SH3BGRL2: variants seen among roughly 807,000 people sequenced by gnomAD.
The protein encoded by SH3BGRL2 is SH3 domain-binding glutamic acid-rich-like protein 2.
SH3BGRL2 carries 21 observed loss-of-function variants against 14.8 expected under a neutral mutation model. The ratio of observed to expected loss-of-function variants is 1.42; its 90% CI spans 1.01 to 2.05. The LOEUF (loss-of-function observed/expected upper bound fraction) is 2.05, where lower values mean the gene tolerates loss of function less well. SH3BGRL2 is among the 30% of genes most tolerant of loss of function. The probability of loss-of-function intolerance (pLI) is 0.00; values close to 1 mark genes in which losing one functional copy is unlikely to be tolerated. For synonymous variants in SH3BGRL2, 50 were observed against 47.8 expected (o/e 1.05, Z -0.19); for missense variants, 147 against 130.8 (o/e 1.12, Z -0.61).
intron 2 of SH3BGRL2, among the ~76,000 whole-genome samples, chr6:79,689,889 T>C (rs1336761259): frequency 6.6e-6 from 1 of 152,216 alleles, no homozygotes; most frequent in Non-Finnish European, 1.5e-5. Flanking sequence ...ATACTACATG[T>C]ATAGAGATTG....
intron 1 of SH3BGRL2, among the ~76,000 whole-genome samples, chr6:79,671,386 T>C (rs1582730287): frequency 6.6e-6 from 1 of 151,954 alleles, no homozygotes; most frequent in Non-Finnish European, 1.5e-5. Flanking sequence ...GAGGCGGAGG[T>C]TGAGGTGAGC....
chr6:79,611,241 TAAATG>T, the SH3BGRL2 span, among the ~76,000 whole-genome samples: 5 of 152,064 alleles, frequency 3.3e-5, no homozygotes, highest in African/African-American at 1.2e-4. Context: ...TTTTGTGGCT[TAAATG>T]AAATAAGAAT....
At chr6:79,594,148 T>A in the SH3BGRL2 span, among the ~76,000 whole-genome samples, 2 of 152,170 alleles carry the variant, frequency 1.3e-5, no homozygotes, top group African/African-American at 2.4e-5. Flanking sequence ...ATAAATATTA[T>A]AATTTAAAAT....
At chr6:79,563,055 A>T in the SH3BGRL2 span, among the ~76,000 whole-genome samples, 2 of 151,734 alleles carry the variant, frequency 1.3e-5, no homozygotes, top group African/African-American at 4.8e-5. Context: ...TCCCGAGTTC[A>T]CGCCATTCTC....
At chr6:79,684,393 T>A (rs1770052648) in intron 2 of SH3BGRL2, among the ~76,000 whole-genome samples, 2 of 152,160 alleles carry the variant, frequency 1.3e-5, no homozygotes, top group Non-Finnish European at 1.5e-5. Context: ...GGTTTTTTTT[T>A]AATGTCTTTG....
At chr6:79,640,828 G>A (rs1262414576) in intron 1 of SH3BGRL2, among the ~76,000 whole-genome samples, 2 of 152,084 alleles carry the variant, frequency 1.3e-5, no homozygotes, top group African/African-American at 4.8e-5. Context: ...GCCCAAATAT[G>A]AAATGACTTT....
intron 1 of SH3BGRL2, among the ~76,000 whole-genome samples, chr6:79,660,759 G>T (rs758836182): frequency 6.6e-6 from 1 of 151,962 alleles, no homozygotes; most frequent in Non-Finnish European, 1.5e-5. Context: ...GCTGTGAATC[G>T]GTCTGGTCCT....
chr6:79,586,989 C>T, the SH3BGRL2 span, among the ~76,000 whole-genome samples: 1 of 152,290 alleles, frequency 6.6e-6, no homozygotes, highest in Non-Finnish European at 1.5e-5. Flanking sequence ...TAATCTGACT[C>T]AGTTCTGGGG....
the SH3BGRL2 span, among the ~76,000 whole-genome samples, chr6:79,588,042 C>T: frequency 6.6e-6 from 1 of 151,962 alleles, no homozygotes; most frequent in African/African-American, 2.4e-5. Flanking sequence ...GGCTGTAATC[C>T]CAGCACTTTG....
chr6:79,562,206 C>G, the SH3BGRL2 span, among the ~76,000 whole-genome samples: 2 of 152,116 alleles, frequency 1.3e-5, no homozygotes, highest in South Asian at 4.1e-4. Context: ...CAAGGTGAAG[C>G]CATTACACAC....
chr6:79,559,433 A>C, the SH3BGRL2 span, among the ~76,000 whole-genome samples: 58 of 152,336 alleles, frequency 3.8e-4, 1 homozygote, highest in South Asian at 6.2e-4. Context: ...GGATAACCCA[A>C]ATCTAATAAT....
intron 1 of SH3BGRL2, among the ~76,000 whole-genome samples, chr6:79,656,156 G>A (rs1438841652): frequency 6.6e-6 from 1 of 152,252 alleles, no homozygotes; most frequent in Non-Finnish European, 1.5e-5. Context: ...AGAAGAAAAT[G>A]TAGGAAGCTC....
At chr6:79,563,240 G>T in the SH3BGRL2 span, among the ~76,000 whole-genome samples, 1 of 151,408 alleles carries the variant, frequency 6.6e-6, no homozygotes, top group Non-Finnish European at 1.5e-5. Context: ...GCCTCCCAAA[G>T]TGCTGGGATT....
the SH3BGRL2 span, among the ~76,000 whole-genome samples, chr6:79,603,434 C>A: frequency 1.3e-5 from 2 of 152,172 alleles, no homozygotes; most frequent in African/African-American, 4.8e-5. Flanking sequence ...ACAATTAAAC[C>A]AAAGGTAGAC....
At chr6:79,671,990 A>G (rs984766295) in intron 1 of SH3BGRL2, among the ~76,000 whole-genome samples, 3 of 152,086 alleles carry the variant, frequency 2.0e-5, no homozygotes, top group African/African-American at 7.2e-5. Flanking sequence ...CTAAGGTTTT[A>G]CCTGTTTTGT....
chr6:79,580,556 G>T, the SH3BGRL2 span, among the ~76,000 whole-genome samples: 10 of 152,236 alleles, frequency 6.6e-5, no homozygotes, highest in African/African-American at 2.2e-4. Flanking sequence ...GGTAAATAAA[G>T]AAATGAAGGC....
intron 2 of SH3BGRL2, among the ~76,000 whole-genome samples, chr6:79,691,899 T>C (rs1770225497): frequency 6.6e-6 from 1 of 151,876 alleles, no homozygotes; most frequent in Non-Finnish European, 1.5e-5. Context: ...TCAAATGGTA[T>C]TTCTAGTTCT....
intron 2 of SH3BGRL2, among the ~76,000 whole-genome samples, chr6:79,684,269 A>C (rs1770049798): frequency 6.6e-6 from 1 of 152,104 alleles, no homozygotes; most frequent in African/African-American, 2.4e-5. Flanking sequence ...CTCAATCCAA[A>C]GGTGTGTTGT....
the SH3BGRL2 span, among the ~76,000 whole-genome samples, chr6:79,603,643 T>C: frequency 6.6e-6 from 1 of 152,160 alleles, no homozygotes; most frequent in African/African-American, 2.4e-5. Flanking sequence ...AGAATTGTGG[T>C]ATCACAGCTG....
Sources: gnomAD v4.1 joint callset for allele counts (sites outside exome capture counted in the v4.1 genomes callset) on GRCh38, gnomAD v4.1.1 for gene constraint, MANE v1.5 for transcripts, NCBI Gene and HGNC (gene_info 2026-07-23, HGNC 2026-07-21) for gene names.